Variants in CPSF1 observed in about 807,000 individuals in gnomAD.
CPSF1 encodes cleavage and polyadenylation specific factor 1, also known as cleavage and polyadenylation specificity factor subunit 1.
In CPSF1, 106 loss-of-function variants were observed where a neutral mutation model predicts 175.8. That is an observed-to-expected ratio of 0.60 (90% CI 0.52 to 0.71). CPSF1 has a LOEUF of 0.71. Among genes scored for constraint, CPSF1 ranks in the 30% least tolerant of loss-of-function variants. CPSF1 has a pLI of 0.00. For missense variants in CPSF1, 1,734 were observed against 2,022.9 expected (o/e 0.86, Z 2.74); for synonymous variants, 1,024 against 858.3 (o/e 1.19, Z -3.37).
Position 144,396,611 on chromosome 8 carries a change from T to C in CPSF1, c.2813A>G (p.Tyr938Cys), listed in dbSNP as rs1554863853. The change falls in exon 25 of 38, where the codon TAT becomes TGT. Residue 938 changes from tyrosine to cysteine, a missense_variant. Transcript: ENST00000616140. ...GCGCTGGCCTACCCCTGAGTAGCCA[T>C]AAATATCCTCGAAGTAGCGGAAACG... is the stretch of plus-strand genomic sequence containing the variant. ...VARFRYFEDI[Y>C]GYSGVFICGP... The C allele has an allele frequency of 6.2e-7, 1 of 1,613,356 alleles. No homozygotes were observed. Among genetic ancestry groups the C allele is most frequent in the Admixed American group, 1.7e-5 (1 of 60,000 alleles).
Position 144,400,807 on chromosome 8 carries a change from T to C in CPSF1, c.550A>G (p.Ser184Gly), listed in dbSNP as rs1314677207. ...EGLVGEGQRS[S>G]FLPSYIIDVR... ...TCGATGATGTAGCTGGGCAGGAAGC[T>C]GGACCTCTGCCTGGGGGGCCAGGGG... The change falls in exon 7 of 38, where the codon AGC becomes GGC. Residue 184 changes from serine (S) to glycine (G), a missense_variant. Transcript: ENST00000616140. The C allele has an allele frequency of 6.2e-7, 1 of 1,613,546 alleles. No individual in the cohort carries two copies. Among genetic ancestry groups the C allele is most frequent in the Non-Finnish European group, 8.5e-7 (1 of 1,179,924 alleles).
chr8:144,401,730 C>G, intron 2 of CPSF1, 57 bp from the exon 3 acceptor site: 6 of 1,542,844 alleles, frequency 3.9e-6, no homozygotes, highest in Non-Finnish European at 5.3e-6. Context: ...CTCACCTCAT[C>G]CGGGGAACGA....
rs2116853217 is a variant in CPSF1, at chr8:144,398,652, A to AG, written c.1639-15dup. On this transcript the variant is annotated splice_polypyrimidine_tract_variant and intron_variant, in intron 17 of 37. Transcript: ENST00000616140. ...GGGATTGTCCTCCTGTCAGGGCCAA[A>AG]GGGGGGCAGGCTGGAAGCCACAGTC... 4.2e-5 allele frequency: 68 copies of AG among 1,613,092 alleles called. No homozygotes were observed. In the Admixed American group the frequency reaches 8.0e-4, roughly 19 times the overall value.
At position 144,399,934 on chromosome 8, in the gene CPSF1, C is replaced by A; in HGVS notation, c.1031+58G>T. ...GGGGGAGTGAAGGGGGCCAGGGGAC[C>A]CTACAGGACTTGTGGGGGGCGGTGT... On this transcript the variant is annotated intron_variant, in intron 10 of 37. Transcript: ENST00000616140. This position sits in a 1 kb window ranked among gnomAD's most constrained non-coding sequence, Gnocchi z 6.4. The A allele has an allele frequency of 6.3e-7, 1 of 1,585,638 alleles. No homozygotes were observed. The highest frequency in any genetic ancestry group is 1.8e-5 in the Admixed American group (1 of 56,218).
chr8:144,398,605 C>T lies in CPSF1; in HGVS notation c.1672G>A (p.Glu558Lys), dbSNP rs2116852857. The change falls in exon 18 of 38, where the codon GAA becomes AAA. Residue 558 changes from glutamate (E) to lysine (K), a missense_variant. Coordinates refer to ENST00000616140, the MANE Select transcript of CPSF1 (RefSeq NM_013291.3). ...DNPKGEGTEQ[E>K]PSTTPEADDD... ...TCTGCTTCAGGGGTGGTGCTGGGTTCCTGCTCTGTGCCCTCCCCCTTGGGA... is the reference window on the plus strand; with the variant it reads ...TCTGCTTCAGGGGTGGTGCTGGGTTTCTGCTCTGTGCCCTCCCCCTTGGGA... 1 of 1,613,932 alleles carries T rather than the reference C, an allele frequency of 6.2e-7. No individual in the cohort carries two copies. The highest frequency in any genetic ancestry group is 1.7e-5 in the Admixed American group (1 of 60,020).
In CPSF1 at chr8:144,393,512, C is replaced by T; in HGVS notation, c.4224G>A (p.Leu1408=). The change falls in exon 37 of 38, where the codon CTG becomes CTA. Residue 1408 remains leucine (L), a synonymous_variant. Coordinates refer to ENST00000616140, the MANE Select transcript of CPSF1 (RefSeq NM_013291.3). ...CGCTGCGCTCCATGGTGCTCAGGTA[C>T]AGGTAGCGGTTGAGCAGCTCCCCAT... ...VLDGELLNRY[L]YLSTMERSEL... The T allele has an allele frequency of 1.9e-6, 3 of 1,590,082 alleles. No individual in the cohort carries two copies. Among genetic ancestry groups the T allele is most frequent in the South Asian group, 2.3e-5 (2 of 87,098 alleles).
rs2116868557 is a variant in CPSF1 at position 144,399,966 on chromosome 8, A to C, written c.1031+26T>G. 1.8e-5 allele frequency: 26 copies of C among 1,419,900 alleles called. No individual in the cohort carries two copies. The East Asian group carries it at 6.8e-4, about 37-fold the overall frequency. 88.0% of individuals were successfully genotyped at this position (1,419,900 alleles called of 1,614,324 possible). ...GACTTGTGGGGGGCGGTGTGGGCAG[A>C]GTTCATGGGCGGGGGAGGGGCTCAC... On this transcript the variant is annotated intron_variant, in intron 10 of 37. Transcript: ENST00000616140. The surrounding 1 kb of genome is among the most constrained non-coding windows in gnomAD (Gnocchi z 6.4).
rs377524331 is a variant in CPSF1, at chr8:144,396,590, T to C, written c.2826+8A>G. The C allele has an allele frequency of 1.6e-5, 26 of 1,611,550 alleles. No homozygotes were observed. The African/African-American group carries it at 2.8e-4, about 17-fold the overall frequency. On this transcript the variant is annotated splice_region_variant and intron_variant, in intron 25 of 37. Transcript: ENST00000616140. ...CTACCACAGACCCCTGCAAAGGCGC[T>C]GGCCTACCCCTGAGTAGCCATAAAT...
At chr8:144,407,182 C>G (rs1027847274) in intron 2 of CPSF1, among the ~76,000 whole-genome samples, 3 of 151,042 alleles carry the variant, frequency 2.0e-5, no homozygotes, top group Non-Finnish European at 4.4e-5. Flanking sequence ...CCTCCCAAAG[C>G]GCTAAGATGA....
Position 144,400,147 on chromosome 8 carries a change from C to CCAGCCA in CPSF1, c.937+13_937+18dup. 2.1e-6 allele frequency: 3 copies of CCAGCCA among 1,426,004 alleles called. No individual in the cohort carries two copies. The highest frequency in any genetic ancestry group is 1.3e-5 in the South Asian group (1 of 76,280). The allele number at this position is 1,426,004 out of a possible 1,614,324, so 88.3% of individuals were successfully genotyped here. On this transcript the variant is annotated intron_variant, in intron 9 of 37. Coordinates refer to ENST00000616140, the MANE Select transcript of CPSF1 (RefSeq NM_013291.3). ...AAGCCGTCCCCGGGCCCCCCCCGCC[C>CCAGCCA]CAGCCACCCCACACTCACGAAGCGG...
intron 4 of CPSF1, 29 bp downstream of exon 4, chr8:144,401,400 CA>C: frequency 1.9e-6 from 3 of 1,613,244 alleles, no homozygotes; most frequent in Non-Finnish European, 2.5e-6. Context: ...ACGCCTTGGC[CA>C]GGCCTACCCC....
At position 144,393,933 on chromosome 8, in the gene CPSF1, C is replaced by G. The variant is rs781855390; in HGVS notation, c.3965G>C (p.Gly1322Ala). The change falls in exon 35 of 38, where the codon GGG becomes GCG. Residue 1322 changes from glycine (G) to alanine (A), a missense_variant. Gly to Ala is a moderately conservative substitution (Grantham distance 60, BLOSUM62 0). Coordinates refer to ENST00000616140, the MANE Select transcript of CPSF1 (RefSeq NM_013291.3). Reference sequence around the variant, plus strand: ...CCACACGACCGACTTTTTGCTGAGCCCTTCAGTGGCCCCCCGGCACGGGGT... The same window carrying G: ...CCACACGACCGACTTTTTGCTGAGCGCTTCAGTGGCCCCCCGGCACGGGGT... ...WRTPCRGATE[G>A]LSKKSVVWEN... 1.9e-6 allele frequency: 3 copies of G among 1,613,618 alleles called. No individual in the cohort carries two copies. The highest frequency in any genetic ancestry group is 8.5e-7 in the Non-Finnish European group (1 of 1,179,838).
chr8:144,408,389 G>T (rs1821613563), intron 2 of CPSF1, among the ~76,000 whole-genome samples: 1 of 152,108 alleles, frequency 6.6e-6, no homozygotes. Context: ...TTGCTTTCCT[G>T]GACCAGCTTT....
At position 144,394,737 on chromosome 8, in the gene CPSF1, G is replaced by A; in HGVS notation, c.3474C>T (p.Asn1158=). Residue 1158 remains asparagine, a synonymous_variant, in exon 31 of 38, where the codon AAC becomes AAT. Coordinates refer to ENST00000616140, the MANE Select transcript of CPSF1 (RefSeq NM_013291.3). ...VPEPGQPLTK[N]KFKVLYEKEQ... Reference sequence around the variant, plus strand: ...CCTTCTCGTAAAGGACTTTGAACTTGTTCTTGGTCAAGGGCTGGCCAGGCT... The same window carrying A: ...CCTTCTCGTAAAGGACTTTGAACTTATTCTTGGTCAAGGGCTGGCCAGGCT... 6.2e-7 allele frequency: 1 copy of A among 1,613,600 alleles called. No homozygotes were observed. The highest frequency in any genetic ancestry group is 8.5e-7 in the Non-Finnish European group (1 of 1,179,970).
In CPSF1 at chr8:144,405,112, G is replaced by A. The variant is rs150573028; in HGVS notation, c.145-3439C>T. On this transcript the variant is annotated intron_variant, in intron 2 of 37. Coordinates refer to ENST00000616140, the MANE Select transcript of CPSF1 (RefSeq NM_013291.3). ...ATCTGAATAAGAGGACGTTTACAGG[G>A]TTTCAAAATAAGTCCCTACAAGATA... Among the ~76,000 whole-genome samples the A allele has an allele frequency of 7.1e-4, 108 of 152,094 alleles. 1 individual carries two copies. The East Asian group carries it at 8.1e-3, about 11-fold the overall frequency.
chr8:144,404,622 G>A (rs1564698260), intron 2 of CPSF1, among the ~76,000 whole-genome samples: 1 of 151,036 alleles, frequency 6.6e-6, no homozygotes, highest in South Asian at 2.1e-4. Flanking sequence ...CACCCACCTC[G>A]GCCTGCCAAA....
intron 34 of CPSF1, 23 bp downstream of exon 34, chr8:144,394,090 G>A: frequency 1.2e-6 from 2 of 1,611,838 alleles, no homozygotes; most frequent in Non-Finnish European, 1.7e-6. Flanking sequence ...GGCCCAGGCA[G>A]AGGGGGTGGA....
intron 2 of CPSF1, among the ~76,000 whole-genome samples, chr8:144,408,044 A>G (rs2116910135): frequency 1.3e-5 from 2 of 152,132 alleles, no homozygotes; most frequent in Non-Finnish European, 2.9e-5. Flanking sequence ...CAGCAAATAC[A>G]TATGTATGCC....
In CPSF1 at chr8:144,409,024, G is replaced by A. The variant is rs1256601301; in HGVS notation, c.135C>T (p.Arg45=). 13 of 1,612,834 alleles carry A rather than the reference G, an allele frequency of 8.1e-6. No homozygotes were observed. The highest frequency in any genetic ancestry group is 1.0e-5 in the Non-Finnish European group (12 of 1,179,666). The part of the protein sequence containing the change: ...TSQLYVYRLN[R]DAEALTKNDR... ...CCAGGGCCCGACCTACCTCGGCGTC[G>A]CGGTTGAGGCGGTACACGTAGAGCT... The change falls in exon 2 of 38, where the codon CGC becomes CGT. Residue 45 remains arginine (R), a synonymous_variant. Transcript: ENST00000616140.
Sources: allele counts gnomAD v4.1 joint callset (sites outside exome capture counted in the v4.1 genomes callset), GRCh38; gene constraint gnomAD v4.1.1; non-coding constraint Gnocchi (gnomAD v3.1); transcripts MANE v1.5; gene names NCBI Gene and HGNC (gene_info 2026-07-23, HGNC 2026-07-21).